Variants in MEGF10 observed in about 807,000 individuals in gnomAD.
MEGF10 encodes multiple epidermal growth factor-like domains protein 10.
Under a neutral mutation model 147.5 loss-of-function variants are expected in MEGF10, and 86 were observed. The observed-to-expected ratio is 0.58, with a 90% confidence interval of 0.49 to 0.70. MEGF10 has a LOEUF of 0.70. Ranked by LOEUF, MEGF10 falls within the 30% of genes least tolerant of loss-of-function variation. The pLI, the probability that MEGF10 is intolerant of heterozygous loss-of-function variation, is 0.00. For missense variants in MEGF10, 1,329 were observed against 1,487.3 expected, an observed-to-expected ratio of 0.89 and a Z score of 1.75; for synonymous variants, 478 against 525.5, an observed-to-expected ratio of 0.91 and a Z score of 1.24.
At position 127,369,868 on chromosome 5, in the gene MEGF10, T is replaced by G. The variant is rs1336128395; in HGVS notation, c.320-42T>G. The G allele has an allele frequency of 2.0e-6, 3 of 1,538,312 alleles. No homozygotes were observed. The Admixed American group carries it at 5.4e-5, about 28-fold the overall frequency. On this transcript the variant is annotated intron_variant, in intron 4 of 24. Coordinates refer to ENST00000503335, the MANE Select transcript of MEGF10 (RefSeq NM_001256545.2). ...CAGCTGTGTTGTTGGCTTTTTTTTC[T>G]TGTGCCAACTTTCTTTATTTGATTG...
intron 18 of MEGF10, among the ~76,000 whole-genome samples, chr5:127,441,677 G>A (rs1208538023): frequency 6.6e-6 from 1 of 152,172 alleles, no homozygotes; most frequent in African/African-American, 2.4e-5. Flanking sequence ...GGCGGGAAAA[G>A]GTGAAGAACA....
At chr5:127,269,888 C>T in the MEGF10 span, among the ~76,000 whole-genome samples, 1 of 152,182 alleles carries the variant, frequency 6.6e-6, no homozygotes, top group African/African-American at 2.4e-5. Flanking sequence ...GATCTCTCAG[C>T]AGAAACTCTA....
intron 8 of MEGF10, among the ~76,000 whole-genome samples, chr5:127,408,399 A>G (rs954019608): frequency 2.0e-5 from 3 of 152,244 alleles, no homozygotes; most frequent in African/African-American, 7.2e-5. Flanking sequence ...TTGTCCTGAC[A>G]GCCTTCAGTA....
intron 4 of MEGF10, among the ~76,000 whole-genome samples, chr5:127,361,344 A>G (rs967687456): frequency 2.0e-5 from 3 of 151,944 alleles, no homozygotes; most frequent in South Asian, 2.1e-4. Flanking sequence ...ACCTGTAAAA[A>G]AATCTATAGA....
chr5:127,301,242 C>CT lies in MEGF10; in HGVS notation c.-19+10191dup, dbSNP rs1759754912. On this transcript the variant is annotated intron_variant, in intron 1 of 24. Coordinates refer to ENST00000503335, the MANE Select transcript of MEGF10 (RefSeq NM_001256545.2). Reference sequence around the variant, plus strand: ...TCCAGTCCCAGAACAACCTGTCGTCCTTTTTCTCTTGAGAAGACCCTTGTC... The same window carrying CT: ...TCCAGTCCCAGAACAACCTGTCGTCCTTTTTTCTCTTGAGAAGACCCTTGTC... Among the ~76,000 whole-genome samples the CT allele has an allele frequency of 2.0e-5, 3 of 152,124 alleles. No homozygotes were observed. In the South Asian group the frequency reaches 6.2e-4, roughly 31 times the overall value.
chr5:127,309,885 G>A (rs896550475), intron 1 of MEGF10, among the ~76,000 whole-genome samples: 1 of 152,032 alleles, frequency 6.6e-6, no homozygotes, highest in African/African-American at 2.4e-5. Context: ...TACAGTGGCT[G>A]CTCCATTTTA....
At chr5:127,256,711 T>G in the MEGF10 span, among the ~76,000 whole-genome samples, 1 of 152,182 alleles carries the variant, frequency 6.6e-6, no homozygotes, top group African/African-American at 2.4e-5. Context: ...CCATAGTAAC[T>G]TATATCACAT....
chr5:127,445,816 T>A (rs952595282), intron 20 of MEGF10, 123 bp downstream of exon 20: 3 of 746,162 alleles, frequency 4.0e-6, no homozygotes, highest in Non-Finnish European at 7.0e-6. Flanking sequence ...GAGAGAATTC[T>A]ATGTTTGGAA....
At chr5:127,432,327 T>C (rs1446638629) in intron 13 of MEGF10, among the ~76,000 whole-genome samples, 3 of 152,246 alleles carry the variant, frequency 2.0e-5, no homozygotes, top group East Asian at 3.8e-4. Flanking sequence ...CTGTGGTGAC[T>C]TTTTGCCTGA....
chr5:127,344,849 C>T (rs893631677), intron 4 of MEGF10, among the ~76,000 whole-genome samples: 9 of 152,180 alleles, frequency 5.9e-5, no homozygotes, highest in African/African-American at 1.9e-4. Context: ...GACCAGAGGA[C>T]TGATCGCTGA....
the MEGF10 span, among the ~76,000 whole-genome samples, chr5:127,249,210 G>A: frequency 2.0e-5 from 3 of 152,066 alleles, no homozygotes; most frequent in East Asian, 5.8e-4. Context: ...AAATTGGGTG[G>A]GGTAAATGGG....
At chr5:127,247,275 G>T in the MEGF10 span, among the ~76,000 whole-genome samples, 2 of 130,658 alleles carry the variant, frequency 1.5e-5, no homozygotes, top group Non-Finnish European at 3.2e-5. Context: ...AGCAAAGTGT[G>T]TGTGTGGTTG....
chr5:127,426,689 G>A (rs998386886), intron 13 of MEGF10, among the ~76,000 whole-genome samples: 2 of 152,214 alleles, frequency 1.3e-5, no homozygotes, highest in Admixed American at 6.5e-5. Flanking sequence ...ACTTATGTAT[G>A]TGTGTTTCCA....
At chr5:127,374,818 T>A (rs1260512679) in intron 5 of MEGF10, among the ~76,000 whole-genome samples, 1 of 152,166 alleles carries the variant, frequency 6.6e-6, no homozygotes, top group Non-Finnish European at 1.5e-5. Flanking sequence ...ATGTCTTTCA[T>A]GTAATTGGTC....
At chr5:127,294,182 A>G (rs1011028186) in intron 1 of MEGF10, among the ~76,000 whole-genome samples, 1 of 152,230 alleles carries the variant, frequency 6.6e-6, no homozygotes, top group African/African-American at 2.4e-5. Flanking sequence ...AAACTTAGCG[A>G]TATCTCATGC....
At chr5:127,294,090 A>G (rs1301472415) in intron 1 of MEGF10, among the ~76,000 whole-genome samples, 1 of 152,116 alleles carries the variant, frequency 6.6e-6, no homozygotes, top group African/African-American at 2.4e-5. Flanking sequence ...CTAACCAACC[A>G]CTTACCACCC....
Position 127,398,670 on chromosome 5 carries a change from C to T in MEGF10, c.660-6C>T. On this transcript the variant is annotated splice_region_variant and splice_polypyrimidine_tract_variant and intron_variant, in intron 6 of 24. Transcript: ENST00000503335. ...CAGTGTCCTTTGTCACATGTTAATC[C>T]CTCAGCTGTGAGGATCTTTGTCCTC... 6.2e-7 allele frequency: 1 copy of T among 1,613,974 alleles called. No individual in the cohort carries two copies. The highest frequency in any genetic ancestry group is 8.5e-7 in the Non-Finnish European group (1 of 1,179,954).
At chr5:127,308,011 G>A (rs922438775) in intron 1 of MEGF10, among the ~76,000 whole-genome samples, 16 of 152,178 alleles carry the variant, frequency 1.1e-4, no homozygotes, top group Middle Eastern at 3.2e-3. Context: ...CTCACAGTCC[G>A]TTGTACAGCT....
intron 1 of MEGF10, among the ~76,000 whole-genome samples, chr5:127,297,981 T>C (rs948678933): frequency 1.3e-5 from 2 of 152,146 alleles, no homozygotes; most frequent in African/African-American, 4.8e-5. Context: ...TATTTTCCCT[T>C]AAGAAGTTTA....
Sources: allele counts gnomAD v4.1 joint callset (sites outside exome capture counted in the v4.1 genomes callset), GRCh38; gene constraint gnomAD v4.1.1; transcripts MANE v1.5; gene names NCBI Gene and HGNC (gene_info 2026-07-23, HGNC 2026-07-21).